ALX3: variants seen among roughly 807,000 people sequenced by gnomAD.
ALX3 encodes ALX homeobox 3.
Under a neutral mutation model 26.3 loss-of-function variants are expected in ALX3, and 17 were observed. The ratio of observed to expected loss-of-function variants is 0.65; its 90% CI spans 0.44 to 0.97. The LOEUF (loss-of-function observed/expected upper bound fraction) is 0.97. Ranked by LOEUF, ALX3 falls within the 50% of genes least tolerant of loss-of-function variation. The pLI, the probability that ALX3 is intolerant of heterozygous loss-of-function variation, is 0.00. For missense variants in ALX3, 461 were observed against 466.5 expected, an observed-to-expected ratio of 0.99 and a Z score of 0.11; for synonymous variants, 208 against 201.4, an observed-to-expected ratio of 1.03 and a Z score of -0.28.
At chr1:110,062,645 G>GCGCGCGCGCGCGCGCGCGC (rs57279963) in intron 2 of ALX3, 1 of 132,298 alleles carries the variant, frequency 7.6e-6, no homozygotes, top group Non-Finnish European at 1.6e-5. Flanking sequence ...GTGTGTGTGT[G>GCGCGCGCGCGCGCGCGCGC]GAGTAATCCG....
Position 110,061,434 on chromosome 1 carries a change from C to G in ALX3, c.723+1G>C. The G allele has an allele frequency of 6.2e-7, 1 of 1,614,200 alleles. No homozygotes were observed. Among genetic ancestry groups the G allele is most frequent in the Non-Finnish European group, 8.5e-7 (1 of 1,180,040 alleles). On this transcript the variant is annotated splice_donor_variant, in intron 3 of 3. Transcript: ENST00000647563. LOFTEE classifies it high-confidence loss of function. ...TGGTTCAGGTAGGGCTGGGGTCTTA[C>G]CTGAGGGTGGCTGTCAGTACGGGGC...
intron 2 of ALX3, 42 bp downstream of exon 2, chr1:110,064,545 G>A (rs752173243): frequency 1.2e-6 from 2 of 1,609,684 alleles, no homozygotes. Context: ...GTCACTGTGT[G>A]ATAGGGGCAG....
intron 1 of ALX3, among the ~76,000 whole-genome samples, chr1:110,065,384 G>A (rs1161324369): frequency 6.6e-6 from 1 of 152,194 alleles, no homozygotes; most frequent in East Asian, 1.9e-4. Context: ...CCAGGGCCAG[G>A]CAGGCTGTGG....
Position 110,064,598 on chromosome 1 carries a change from C to T in ALX3, c.583G>A (p.Ala195Thr), listed in dbSNP as rs1340833776. The T allele has an allele frequency of 1.9e-6, 3 of 1,614,068 alleles. No homozygotes were observed. The highest frequency in any genetic ancestry group is 2.2e-5 in the South Asian group (2 of 91,086). ...QLALRTDLTE[A>T]RVQVWFQNRR... ...TGCAGTGCCCTCACCTGTACCCGGG[C>T]CTCAGTCAGGTCTGTGCGCAGGGCC... The change falls in exon 2 of 4, where the codon GCC (alanine) becomes ACC (threonine). Residue 195 changes from alanine (A) to threonine (T), a missense_variant. Physicochemically the swap from Ala to Thr is moderately conservative, Grantham distance 58. This residue lies in a region of ALX3 where 51 missense variants were observed against 82.4 expected (regional missense o/e 0.62). Coordinates refer to ENST00000647563, the MANE Select transcript of ALX3 (RefSeq NM_006492.3).
In ALX3 at chr1:110,070,596, C is replaced by T; in HGVS notation, c.17G>A (p.Cys6Tyr). 2.3e-6 allele frequency: 3 copies of T among 1,287,184 alleles called. No individual in the cohort carries two copies. The highest frequency in any genetic ancestry group is 3.0e-6 in the Non-Finnish European group (3 of 1,015,724). The allele number at this position is 1,287,184 out of a possible 1,614,324, so 79.7% of individuals were successfully genotyped here. A position where few individuals can be genotyped will look rare whatever the true frequency, so the allele number is the denominator to read the frequency against. Residue 6 changes from cysteine (C) to tyrosine (Y), a missense_variant, in exon 1 of 4, where the codon TGC (cysteine) becomes TAC (tyrosine). Physicochemically the swap from Cys to Tyr is radical, Grantham distance 194 (BLOSUM62 -2). Coordinates refer to ENST00000647563, the MANE Select transcript of ALX3 (RefSeq NM_006492.3). MDPEHCAPFRVGPAPG... is the reference protein window; with the variant it reads MDPEHYAPFRVGPAPG... The stretch of plus-strand genomic sequence containing the variant: ...TGCAGGCCCCACGCGGAAAGGCGCG[C>T]AGTGCTCGGGGTCCATGCCGGCTCA...
chr1:110,060,759 G>C lies in ALX3; in HGVS notation c.1006C>G (p.Pro336Ala), dbSNP rs544533452. The change falls in exon 4 of 4, where the codon CCC (proline) becomes GCC (alanine). Residue 336 changes from proline to alanine, a missense_variant. Physicochemically the swap from Pro to Ala is conservative, Grantham distance 27 (BLOSUM62 -1). This residue lies in a region of ALX3 where 169 missense variants were observed against 178.0 expected (regional missense o/e 0.95). Transcript: ENST00000647563. The stretch of plus-strand genomic sequence containing the variant: ...CACGTGGTCCAGTTCAGAAGGCCGG[G>C]TGGCTCCTTGGGCTTTACCCTGAGC... ...VSLRVKPKEP[P>A]GLLNWTT 5.0e-6 allele frequency: 8 copies of C among 1,604,602 alleles called. No homozygotes were observed. The highest frequency in any genetic ancestry group is 6.8e-6 in the Non-Finnish European group (8 of 1,174,008).
At chr1:110,064,069 G>T (rs946200554) in intron 2 of ALX3, among the ~76,000 whole-genome samples, 1 of 152,016 alleles carries the variant, frequency 6.6e-6, no homozygotes, top group Non-Finnish European at 1.5e-5. Flanking sequence ...AGGGACCCAA[G>T]GTCGGTGGCT....
intron 2 of ALX3, chr1:110,061,773 C>G: frequency 1.4e-6 from 1 of 695,816 alleles, no homozygotes. Context: ...GGTAATTGGC[C>G]CCATGGGCCT....
chr1:110,062,731 GAAGGGGC>G (rs1653685758), intron 2 of ALX3, among the ~76,000 whole-genome samples: 2 of 151,708 alleles, frequency 1.3e-5, no homozygotes, highest in African/African-American at 4.8e-5. Context: ...CACCAACAGT[GAAGGGGC>G]TGTGCATACC....
At chr1:110,068,432 A>G (rs1653840324) in intron 1 of ALX3, among the ~76,000 whole-genome samples, 1 of 152,116 alleles carries the variant, frequency 6.6e-6, no homozygotes, top group Non-Finnish European at 1.5e-5. Flanking sequence ...CCCGTTGAAC[A>G]CCGGCAAGAG....
intron 1 of ALX3, among the ~76,000 whole-genome samples, chr1:110,065,236 C>A (rs1027188514): frequency 2.0e-5 from 3 of 152,174 alleles, no homozygotes; most frequent in Admixed American, 6.5e-5. Context: ...GACCACCACC[C>A]TGGCAAGGCC....
At chr1:110,062,601 A>T (rs1363739847) in intron 2 of ALX3, 1 of 130,252 alleles carries the variant, frequency 7.7e-6, no homozygotes, top group Non-Finnish European at 1.6e-5. Context: ...AACAGAAGAA[A>T]GCTGTGTGTG....
chr1:110,063,793 T>TA (rs1653712281), intron 2 of ALX3, among the ~76,000 whole-genome samples: 1 of 151,874 alleles, frequency 6.6e-6, no homozygotes, highest in Non-Finnish European at 1.5e-5. Flanking sequence ...GCCAGACTCT[T>TA]ACTGAAACTC....
intron 1 of ALX3, among the ~76,000 whole-genome samples, chr1:110,065,407 A>C (rs1164509616): frequency 6.6e-6 from 1 of 152,206 alleles, no homozygotes; most frequent in Non-Finnish European, 1.5e-5. Flanking sequence ...GTGGGTGCTC[A>C]GACCACCTTT....
In ALX3 at chr1:110,070,040, A is replaced by G. The variant is rs3768470; in HGVS notation, c.277+296T>C. On this transcript the variant is annotated intron_variant, in intron 1 of 3. Transcript: ENST00000647563. ...GCATGCTCTCTCCTTCCCAGGTCCA[A>G]CTGCTTTCGGGCCCCGACTGGACTC... 0.66 allele frequency among the ~76,000 whole-genome samples: 100,144 copies of G among 151,982 alleles called. 33,490 individuals are homozygous for G. Among genetic ancestry groups the G allele is most frequent in the East Asian group, 0.81 (4,117 of 5,100 alleles).
chr1:110,061,074 T>C, intron 3 of ALX3, 33 bp from the exon 4 acceptor site: 1 of 1,579,510 alleles, frequency 6.3e-7, no homozygotes, highest in African/African-American at 1.3e-5. Context: ...CCCATGAGCC[T>C]GTAGCCTCAG....
chr1:110,068,733 G>A (rs925783001), intron 1 of ALX3, among the ~76,000 whole-genome samples: 1 of 151,310 alleles, frequency 6.6e-6, no homozygotes, highest in Non-Finnish European at 1.5e-5. Context: ...CCAGCTCGCC[G>A]ACTGCCATTT....
rs1474036465 is a variant in ALX3 at position 110,061,617 on chromosome 1, G to A, written c.595-54C>T. 3.1e-6 allele frequency: 5 copies of A among 1,610,368 alleles called. No homozygotes were observed. The African/African-American group carries it at 4.0e-5, about 13-fold the overall frequency. ...GGTGATAGGGCAGCCCTGAGGAAAG[G>A]AGCCTGCTAGGGAGAGCTGATGGTT... On this transcript the variant is annotated intron_variant, in intron 2 of 3. Transcript: ENST00000647563.
intron 2 of ALX3, 102 bp from the exon 3 acceptor site, chr1:110,061,665 G>GC (rs1653650683): frequency 6.6e-7 from 1 of 1,519,330 alleles, no homozygotes; most frequent in Non-Finnish European, 9.0e-7. Flanking sequence ...GGGATGGGGA[G>GC]CAGGCTCCAG....
Sources: allele counts gnomAD v4.1 joint callset (sites outside exome capture counted in the v4.1 genomes callset), GRCh38; gene constraint gnomAD v4.1.1; regional missense constraint gnomAD v4.1.1; transcripts MANE v1.5; gene names NCBI Gene and HGNC (gene_info 2026-07-23, HGNC 2026-07-21).